The following FUBP3 variants were observed in gnomAD, a reference collection of about 807,000 sequenced individuals.
FUBP3 encodes the protein far upstream element-binding protein 3.
In FUBP3, 28 loss-of-function variants were observed where a neutral mutation model predicts 85.6. The observed-to-expected ratio is 0.33, with a 90% CI of 0.24 to 0.45. The LOEUF (loss-of-function observed/expected upper bound fraction) is 0.45, where lower values mean the gene tolerates loss of function less well. Ranked by LOEUF, FUBP3 falls within the 20% of genes least tolerant of loss-of-function variation. FUBP3 has a pLI of 1.00. For missense variants in FUBP3, 583 were observed against 755.1 expected (o/e 0.77, Z 2.67); for synonymous variants, 271 against 271.4 (o/e 1.00, Z 0.01).
chr9:130,630,755 G>T lies in FUBP3; in HGVS notation c.1245G>T (p.Glu415Asp). 6.5e-7 allele frequency: 1 copy of T among 1,548,664 alleles called. No homozygotes were observed. The highest frequency in any genetic ancestry group is 8.7e-7 in the Non-Finnish European group (1 of 1,149,026). ...TCAGGGGGGTTCCCCAGCAGATCGA[G>T]GTGGCCAGGCAGCTCATAGATGAGA... ...FTIRGVPQQI[E>D]VARQLIDEKV... The change falls in exon 13 of 19, where the codon GAG becomes GAT. Residue 415 changes from glutamate to aspartate, a missense_variant. Physicochemically the swap from Glu to Asp is conservative, Grantham distance 45 (BLOSUM62 2). This residue lies in a region of FUBP3 where 404 missense variants were observed against 516.8 expected (regional missense o/e 0.78). Transcript: ENST00000319725.
intron 16 of FUBP3, among the ~76,000 whole-genome samples, chr9:130,634,298 C>G (rs1345140490): frequency 6.6e-6 from 1 of 152,244 alleles, no homozygotes; most frequent in Non-Finnish European, 1.5e-5. Flanking sequence ...GGCACAGCCC[C>G]CAGGCCTTGA....
chr9:130,589,707 T>G (rs11788997), intron 1 of FUBP3, among the ~76,000 whole-genome samples: 2 of 55,216 alleles, frequency 3.6e-5, no homozygotes, highest in Non-Finnish European at 7.3e-5. Flanking sequence ...ATATATATAT[T>G]TTTTTTTTTT....
chr9:130,636,312 G>A, intron 18 of FUBP3, 186 bp downstream of exon 18: 1 of 710,610 alleles, frequency 1.4e-6, no homozygotes, highest in Non-Finnish European at 2.5e-6. Context: ...TCCTCGCTCT[G>A]GAGAAAAAGA....
intron 12 of FUBP3, among the ~76,000 whole-genome samples, chr9:130,628,553 CTTA>C (rs570288774): frequency 3.1e-4 from 47 of 152,292 alleles, no homozygotes; most frequent in African/African-American, 1.1e-3. Flanking sequence ...GCCTCCTCAC[CTTA>C]TTAGCATGTT....
intron 1 of FUBP3, among the ~76,000 whole-genome samples, chr9:130,583,349 C>T (rs1055982470): frequency 6.6e-6 from 1 of 152,212 alleles, no homozygotes; most frequent in South Asian, 2.1e-4. Flanking sequence ...AAGATTCTGA[C>T]TTCTTAGAAC....
rs888459579 is a variant in FUBP3 at position 130,638,203 on chromosome 9, A to G, written c.*1181A>G. On this transcript the variant is annotated 3_prime_UTR_variant, in exon 19 of 19. Transcript: ENST00000319725. Reference sequence around the variant, plus strand: ...GTTTTTTCTCCTTATTTTTCTTATAATGCTTGAAATGTCTAACTATTAAAA... The same window carrying G: ...GTTTTTTCTCCTTATTTTTCTTATAGTGCTTGAAATGTCTAACTATTAAAA... The G allele has an allele frequency of 3.3e-5, 5 of 152,558 alleles. No individual in the cohort carries two copies. The highest frequency in any genetic ancestry group is 1.2e-4 in the African/African-American group (5 of 41,438). The allele number at this position is 152,558 out of a possible 1,614,324, so 9.5% of individuals were successfully genotyped here.
rs77376421 is a variant in FUBP3, at chr9:130,612,652, C to G, written c.274+147C>G. 6,370 of 689,832 alleles carry G rather than the reference C, an allele frequency of 9.2e-3. 50 individuals are homozygous for G. The highest frequency in any genetic ancestry group is 0.013 in the Non-Finnish European group (5,141 of 386,704). 42.7% of individuals were successfully genotyped at this position (689,832 alleles called of 1,614,324 possible). A position where few individuals can be genotyped will look rare whatever the true frequency, so the allele number is the denominator to read the frequency against. On this transcript the variant is annotated intron_variant, in intron 4 of 18. Transcript: ENST00000319725. This position sits in a 1 kb window ranked among gnomAD's most constrained non-coding sequence, Gnocchi z 4.1. ...AGTAGAATGCTTTGCACATGCCATT[C>G]CCCACAGCTCTGAAATGCTGCAGGT...
At chr9:130,610,308 GTATTT>G (rs974808574) in intron 3 of FUBP3, among the ~76,000 whole-genome samples, 1 of 152,244 alleles carries the variant, frequency 6.6e-6, no homozygotes, top group African/African-American at 2.4e-5. Context: ...GGTGTTGCCA[GTATTT>G]TATTAATCCT....
chr9:130,636,573 G>A (rs1255685591), intron 18 of FUBP3, among the ~76,000 whole-genome samples: 2 of 152,376 alleles, frequency 1.3e-5, no homozygotes, highest in East Asian at 3.9e-4. Flanking sequence ...GGGGGGCAGA[G>A]CCCAGCTTTC....
At chr9:130,632,073 A>G in intron 15 of FUBP3, 51 bp downstream of exon 15, 1 of 1,502,572 alleles carries the variant, frequency 6.7e-7, no homozygotes, top group Non-Finnish European at 9.3e-7. Context: ...TAAGGTGGTC[A>G]CTTGGCTATT....
At position 130,631,650 on chromosome 9, in the gene FUBP3, C is replaced by G. The variant is rs550973847; in HGVS notation, c.1352+20C>G. 1 of 1,586,022 alleles carries G rather than the reference C, an allele frequency of 6.3e-7. No homozygotes were observed. The highest frequency in any genetic ancestry group is 8.7e-7 in the Non-Finnish European group (1 of 1,154,578). On this transcript the variant is annotated intron_variant, in intron 14 of 18. Transcript: ENST00000319725. Reference sequence around the variant, plus strand: ...TCAAAAGTGAGTCTTTTGCATCAGTCTTGCCTGGGAGAATTCACTCGCTCC... The same window carrying G: ...TCAAAAGTGAGTCTTTTGCATCAGTGTTGCCTGGGAGAATTCACTCGCTCC...
intron 11 of FUBP3, 126 bp downstream of exon 11, chr9:130,623,837 G>T: frequency 1.9e-6 from 1 of 514,264 alleles, no homozygotes. Context: ...TGGGAAACCA[G>T]CAGTTTCTCT....
At chr9:130,583,959 A>C (rs1167315686) in intron 1 of FUBP3, among the ~76,000 whole-genome samples, 2 of 151,796 alleles carry the variant, frequency 1.3e-5, no homozygotes, top group African/African-American at 4.8e-5. Context: ...CTGGTCTCGA[A>C]CTCCTGGCCT....
chr9:130,631,681 G>A, intron 14 of FUBP3, 51 bp downstream of exon 14: 1 of 1,421,608 alleles, frequency 7.0e-7, no homozygotes, highest in Non-Finnish European at 9.9e-7. Context: ...GCTCCCCAGA[G>A]ATCCCCTGTC....
chr9:130,627,960 C>T (rs980140882), intron 12 of FUBP3, among the ~76,000 whole-genome samples: 1 of 152,106 alleles, frequency 6.6e-6, no homozygotes, highest in Non-Finnish European at 1.5e-5. Context: ...TCCTAGAAAA[C>T]AGTGATGAGA....
intron 1 of FUBP3, among the ~76,000 whole-genome samples, 200 bp downstream of exon 1, chr9:130,579,964 G>C (rs955257875): frequency 6.6e-5 from 10 of 152,246 alleles, no homozygotes; most frequent in Non-Finnish European, 1.3e-4. Context: ...GGCCTGTCGG[G>C]CGGGTCTCCC....
intron 2 of FUBP3, among the ~76,000 whole-genome samples, chr9:130,606,134 G>A (rs1831417707): frequency 6.6e-6 from 1 of 152,290 alleles, no homozygotes; most frequent in East Asian, 1.9e-4. Flanking sequence ...TGGCCCTGGA[G>A]CAAGAGTTGC....
In FUBP3 at chr9:130,612,857, TGA is replaced by T. The variant is rs1831817483; in HGVS notation, c.275-97_275-96del. 2.4e-6 allele frequency: 2 copies of T among 846,740 alleles called. No homozygotes were observed. The highest frequency in any genetic ancestry group is 2.0e-6 in the Non-Finnish European group (1 of 497,384). 52.5% of individuals were successfully genotyped at this position (846,740 alleles called of 1,614,324 possible). On this transcript the variant is annotated intron_variant, in intron 4 of 18. Transcript: ENST00000319725. The surrounding 1 kb of genome is among the most constrained non-coding windows in gnomAD (Gnocchi z 4.1). ...GGGGCCAACTCGATGTGTAGTATTGTGAGCCAAGTGTCACAGTTTGTGGAATT... is the reference window on the plus strand; with the variant it reads ...GGGGCCAACTCGATGTGTAGTATTGTGCCAAGTGTCACAGTTTGTGGAATT...
intron 9 of FUBP3, among the ~76,000 whole-genome samples, chr9:130,621,556 TATTC>T (rs1829747493): frequency 6.6e-6 from 1 of 152,192 alleles, no homozygotes; most frequent in Non-Finnish European, 1.5e-5. Context: ...CTATAAGGCT[TATTC>T]ATTTTTATAA....
Sources: gnomAD v4.1 joint callset for allele counts (sites outside exome capture counted in the v4.1 genomes callset) on GRCh38, gnomAD v4.1.1 for gene constraint, gnomAD v4.1.1 regional missense constraint, Gnocchi (gnomAD v3.1) non-coding constraint, MANE v1.5 for transcripts, NCBI Gene and HGNC (gene_info 2026-07-23, HGNC 2026-07-21) for gene names.